The following NEK7 variants were observed in gnomAD, a reference collection of about 807,000 sequenced individuals.
The protein encoded by NEK7 is serine/threonine-protein kinase Nek7.
In NEK7, 18 loss-of-function variants were observed where a neutral mutation model predicts 44.6. The ratio of observed to expected loss-of-function variants is 0.40; its 90% confidence interval spans 0.28 to 0.60. The LOEUF (loss-of-function observed/expected upper bound fraction) is 0.60, where lower values mean the gene tolerates loss of function less well. Among genes scored for constraint, NEK7 ranks in the 20% least tolerant of loss-of-function variants. NEK7 has a pLI of 0.38. For synonymous variants in NEK7, 130 were observed against 121.1 expected (o/e 1.07, Z -0.48); for missense variants, 256 against 366.5 (o/e 0.70, Z 2.46).
At chr1:198,207,247 C>A (rs897450871) in intron 1 of NEK7, 3 of 152,088 alleles carry the variant, frequency 2.0e-5, no homozygotes, top group Non-Finnish European at 2.9e-5. Context: ...TCAGGCCAGT[C>A]TGAAATACTT....
At chr1:198,210,342 C>T (rs1665725934) in intron 1 of NEK7, among the ~76,000 whole-genome samples, 1 of 152,114 alleles carries the variant, frequency 6.6e-6, no homozygotes, top group Non-Finnish European at 1.5e-5. Context: ...CCCTTGGGCT[C>T]CTGAAGTGCT....
rs887058520 is a variant in NEK7, at chr1:198,191,016, T to C, written c.-29+33740T>C. On this transcript the variant is annotated intron_variant, in intron 1 of 9. Coordinates refer to ENST00000367385, the MANE Select transcript of NEK7 (RefSeq NM_133494.3). ...TTTTAGAGTGTTTTGAAACAAGTAGTAACATCAACACTTAAGTTTACAAAA... is the reference window on the plus strand; with the variant it reads ...TTTTAGAGTGTTTTGAAACAAGTAGCAACATCAACACTTAAGTTTACAAAA... 6.1e-4 allele frequency among the ~76,000 whole-genome samples: 93 copies of C among 152,094 alleles called. 2 individuals are homozygous for C. Among genetic ancestry groups the C allele is most frequent in the Admixed American group, 6.1e-3 (93 of 15,264 alleles).
intron 2 of NEK7, among the ~76,000 whole-genome samples, chr1:198,252,605 ATATTTATTAAAACATGTATATGTATGTTT>A (rs1653091767): frequency 7.4e-6 from 1 of 134,440 alleles, no homozygotes; most frequent in African/African-American, 3.0e-5. Flanking sequence ...GTATGTTTAT[ATATTTATTAAAACATGTATATGTATGTTT>A]TATATATTAA....
At chr1:198,179,361 T>A (rs1461754497) in intron 1 of NEK7, among the ~76,000 whole-genome samples, 1 of 152,080 alleles carries the variant, frequency 6.6e-6, no homozygotes, top group African/African-American at 2.4e-5. Flanking sequence ...AAAACTTAAA[T>A]AGACATTCTT....
At chr1:198,301,214 A>G (rs1654870627) in intron 9 of NEK7, among the ~76,000 whole-genome samples, 1 of 152,258 alleles carries the variant, frequency 6.6e-6, no homozygotes, top group East Asian at 1.9e-4. Context: ...TAGAGAAGGC[A>G]TAAGAAAGGT....
intron 7 of NEK7, among the ~76,000 whole-genome samples, chr1:198,283,836 T>G (rs915539332): frequency 3.3e-5 from 5 of 152,136 alleles, no homozygotes; most frequent in South Asian, 2.1e-4. Flanking sequence ...GAAATCACAC[T>G]GGTTACAGCC....
intron 1 of NEK7, among the ~76,000 whole-genome samples, chr1:198,198,460 T>C (rs1665310984): frequency 6.6e-6 from 1 of 152,128 alleles, no homozygotes; most frequent in Non-Finnish European, 1.5e-5. Flanking sequence ...GTGGGCCTCT[T>C]CTGCAGGCCC....
chr1:198,284,622 G>A (rs913645140), intron 7 of NEK7, among the ~76,000 whole-genome samples: 1 of 152,112 alleles, frequency 6.6e-6, no homozygotes, highest in African/African-American at 2.4e-5. Context: ...TATCGTAAGA[G>A]GCAAAATGTA....
chr1:198,311,365 C>A (rs1558106402), intron 9 of NEK7, among the ~76,000 whole-genome samples: 1 of 152,158 alleles, frequency 6.6e-6, no homozygotes, highest in African/African-American at 2.4e-5. Context: ...TGTAGATATA[C>A]AATCATGTCA....
chr1:198,185,639 T>C (rs570930032), intron 1 of NEK7, among the ~76,000 whole-genome samples: 15 of 152,304 alleles, frequency 9.8e-5, no homozygotes, highest in African/African-American at 3.6e-4. Flanking sequence ...ATGTAAGCTT[T>C]ATAATGAGTG....
chr1:198,297,010 C>G, intron 8 of NEK7, 117 bp from the exon 9 acceptor site: 1 of 620,608 alleles, frequency 1.6e-6, no homozygotes. Flanking sequence ...TCAAAATGCC[C>G]AGGTATCTCT....
chr1:198,306,172 T>C lies in NEK7; in HGVS notation c.798+8932T>C, dbSNP rs552889149. On this transcript the variant is annotated intron_variant, in intron 9 of 9. Transcript: ENST00000367385. The stretch of plus-strand genomic sequence containing the variant: ...AAATCATGTAAAATGCATAGAGTCG[T>C]TCATAAATATTACGTATTAGCTTTT... 2.6e-5 allele frequency among the ~76,000 whole-genome samples: 4 copies of C among 152,288 alleles called. No individual in the cohort carries two copies. In the South Asian group the frequency reaches 8.3e-4, roughly 32 times the overall value.
At chr1:198,277,931 T>G in intron 5 of NEK7, 30 bp from the exon 6 acceptor site, 1 of 1,382,584 alleles carries the variant, frequency 7.2e-7, no homozygotes, top group Non-Finnish European at 1.0e-6. Context: ...ATTTTAGTTT[T>G]TATAGTTCTT....
chr1:198,283,089 T>C (rs1417787036), intron 7 of NEK7, among the ~76,000 whole-genome samples: 3 of 152,082 alleles, frequency 2.0e-5, no homozygotes, highest in Admixed American at 2.0e-4. Context: ...TGAAGAGCAT[T>C]TCATACAAAA....
chr1:198,184,871 C>CTAGT (rs561831228), intron 1 of NEK7, among the ~76,000 whole-genome samples: 12 of 151,516 alleles, frequency 7.9e-5, no homozygotes, highest in South Asian at 2.1e-4. Context: ...ATTTATTTAG[C>CTAGT]TAGTTAGTTA....
intron 1 of NEK7, among the ~76,000 whole-genome samples, chr1:198,232,083 T>C (rs1666413711): frequency 6.6e-6 from 1 of 152,186 alleles, no homozygotes; most frequent in Non-Finnish European, 1.5e-5. Context: ...TAGACACTCA[T>C]ATGACGACTG....
intron 9 of NEK7, among the ~76,000 whole-genome samples, chr1:198,315,382 A>G (rs1040205015): frequency 3.9e-4 from 60 of 152,324 alleles, no homozygotes; most frequent in Middle Eastern, 3.4e-3. Flanking sequence ...GGAAATGCAG[A>G]AATCACCCGT....
chr1:198,171,022 T>G (rs973803087), intron 1 of NEK7, among the ~76,000 whole-genome samples: 1 of 152,118 alleles, frequency 6.6e-6, no homozygotes, highest in South Asian at 2.1e-4. Flanking sequence ...CACCTTAGCC[T>G]CCTGAAGTGT....
At chr1:198,249,534 A>G (rs1187290171) in intron 2 of NEK7, among the ~76,000 whole-genome samples, 2 of 152,106 alleles carry the variant, frequency 1.3e-5, no homozygotes, top group Non-Finnish European at 2.9e-5. Context: ...CTATTTCTCC[A>G]CATCCTCTCC....
Sources: gnomAD v4.1 joint callset for allele counts (sites outside exome capture counted in the v4.1 genomes callset) on GRCh38, gnomAD v4.1.1 for gene constraint, MANE v1.5 for transcripts, NCBI Gene and HGNC (gene_info 2026-07-23, HGNC 2026-07-21) for gene names.